SNURF: variants seen among roughly 807,000 people sequenced by gnomAD.
SNURF encodes SNURF protein.
Under a neutral mutation model 11.6 loss-of-function variants are expected in SNURF, and 6 were observed. That is an observed-to-expected ratio of 0.52 (90% CI 0.28 to 1.02). SNURF has a LOEUF of 1.02. Ranked by LOEUF, SNURF falls within the 50% of genes least tolerant of loss-of-function variation. The probability of loss-of-function intolerance (pLI) is 0.09; values close to 1 mark genes in which losing one functional copy is unlikely to be tolerated. For synonymous variants in SNURF, 29 were observed against 31.6 expected, an observed-to-expected ratio of 0.92 and a Z score of 0.27; for missense variants, 84 against 88.4, an observed-to-expected ratio of 0.95 and a Z score of 0.20.
chr15:24,977,579 A>C (rs2077209854), intron 6 of SNURF, among the ~76,000 whole-genome samples: 1 of 152,160 alleles, frequency 6.6e-6, no homozygotes, highest in African/African-American at 2.4e-5. Context: ...GGGAGGCTGC[A>C]GTGAGCTGAG....
chr15:24,969,419 G>A (rs1488330798), downstream of SNURF, among the ~76,000 whole-genome samples: 6 of 152,030 alleles, frequency 3.9e-5, no homozygotes, highest in Non-Finnish European at 8.8e-5. Context: ...GTGACCTACC[G>A]CGCCCGGCCC....
intron 2 of SNURF, among the ~76,000 whole-genome samples, chr15:24,966,216 TCA>T (rs1011725161): frequency 5.3e-5 from 8 of 152,196 alleles, no homozygotes. Flanking sequence ...TACTATTTTC[TCA>T]GACTTTATAA....
chr15:24,955,654 C>G (rs112249731), intron 1 of SNURF, among the ~76,000 whole-genome samples: 1 of 84,614 alleles, frequency 1.2e-5, no homozygotes, highest in Admixed American at 1.5e-4. Flanking sequence ...TGGCAGTGGA[C>G]CAGGGGGATG....
At chr15:24,970,466 C>T (rs778977147), downstream of SNURF, among the ~76,000 whole-genome samples, 2 of 152,078 alleles carry the variant, frequency 1.3e-5, no homozygotes, top group Non-Finnish European at 2.9e-5. Context: ...GTAATCCCAG[C>T]TACTCGGGAG....
At chr15:24,962,302 T>G in intron 2 of SNURF, 93 bp downstream of exon 2, 3 of 1,006,636 alleles carry the variant, frequency 3.0e-6, no homozygotes, top group Non-Finnish European at 4.6e-6. Flanking sequence ...AAAATGAACA[T>G]AATTGAAGAA....
At chr15:24,960,165 T>C (rs1402454526) in intron 1 of SNURF, among the ~76,000 whole-genome samples, 1 of 151,784 alleles carries the variant, frequency 6.6e-6, no homozygotes, top group Non-Finnish European at 1.5e-5. Flanking sequence ...CTTTGGAGGC[T>C]GAGTTTGGGT....
chr15:24,969,461 T>C (rs1317155401), downstream of SNURF, among the ~76,000 whole-genome samples: 1 of 152,076 alleles, frequency 6.6e-6, no homozygotes, highest in Non-Finnish European at 1.5e-5. Flanking sequence ...AGACAGAAAT[T>C]TTCTGAGAAA....
chr15:24,965,871 AT>A (rs5811370), intron 2 of SNURF, among the ~76,000 whole-genome samples: 20,463 of 151,290 alleles, frequency 0.14, 2,469 homozygotes, highest in African/African-American at 0.33. Flanking sequence ...CATTATATAT[AT>A]TTTTTTTTAC....
chr15:24,976,545 A>G (rs1425659312), intron 5 of SNURF: 4 of 731,286 alleles, frequency 5.5e-6, no homozygotes, highest in Non-Finnish European at 7.0e-6. Flanking sequence ...CAGGCACTTA[A>G]TATCAATTGT....
downstream of SNURF, chr15:24,978,507 GTGTT>G (rs2077318570): frequency 2.8e-6 from 4 of 1,444,302 alleles, no homozygotes; most frequent in East Asian, 2.3e-5. Context: ...ATTGTGTAGA[GTGTT>G]TGTGAGCTTT....
At position 24,974,106 on chromosome 15, in the gene SNURF, A is replaced by G. The variant is rs528487215; in HGVS notation, c.*46-1252A>G. On this transcript the variant is annotated intron_variant and NMD_transcript_variant, in intron 3 of 6. Transcript: ENST00000580062. Reference sequence around the variant, plus strand: ...GAATTACTAGGTAAAATAAAATTCAATGACTTTCATCAGTCCTAAGTGTGT... The same window carrying G: ...GAATTACTAGGTAAAATAAAATTCAGTGACTTTCATCAGTCCTAAGTGTGT... Among the ~76,000 whole-genome samples, 5 of 152,352 alleles carry G rather than the reference A, an allele frequency of 3.3e-5. No individual in the cohort carries two copies. The South Asian group carries it at 6.2e-4, about 19-fold the overall frequency.
chr15:24,975,304 T>G (rs1307970684), intron 3 of SNURF: 11 of 1,467,754 alleles, frequency 7.5e-6, no homozygotes, highest in Non-Finnish European at 9.4e-6. Flanking sequence ...AGGAGAAGAT[T>G]AGAAGACTAG....
At chr15:24,968,633 A>T (rs1005910344), downstream of SNURF, among the ~76,000 whole-genome samples, 2 of 152,158 alleles carry the variant, frequency 1.3e-5, no homozygotes, top group Non-Finnish European at 2.9e-5. Flanking sequence ...ATTTTAATTC[A>T]AATATGGTTT....
chr15:24,956,052 C>T (rs1015734992), intron 1 of SNURF, among the ~76,000 whole-genome samples: 1 of 152,104 alleles, frequency 6.6e-6, no homozygotes, highest in African/African-American at 2.4e-5. Flanking sequence ...GCAATGCCTA[C>T]ACTGCCGCAG....
chr15:24,966,620 A>C (rs2075680508), intron 2 of SNURF, among the ~76,000 whole-genome samples: 1 of 152,118 alleles, frequency 6.6e-6, no homozygotes, highest in Non-Finnish European at 1.5e-5. Flanking sequence ...CTCAGGTGTG[A>C]TCCTAGGGAC....
At chr15:24,978,253 C>T (rs1204264414), downstream of SNURF, 2 of 1,614,012 alleles carry the variant, frequency 1.2e-6, no homozygotes, top group East Asian at 2.2e-5. Flanking sequence ...GGGCTTCCCC[C>T]TGCTCGAGGG....
intron 5 of SNURF, chr15:24,976,734 C>T (rs2077102210): frequency 6.8e-6 from 5 of 738,088 alleles, no homozygotes; most frequent in Non-Finnish European, 9.1e-6. Context: ...CCATGGTATA[C>T]TTGCTTGTTT....
At chr15:24,959,681 T>A (rs2074451153) in intron 1 of SNURF, among the ~76,000 whole-genome samples, 1 of 152,216 alleles carries the variant, frequency 6.6e-6, no homozygotes, top group African/African-American at 2.4e-5. Flanking sequence ...GCTGTATTTG[T>A]GTGCCCACCA....
chr15:24,958,236 G>A (rs527825196), intron 1 of SNURF, among the ~76,000 whole-genome samples: 1 of 152,198 alleles, frequency 6.6e-6, no homozygotes, highest in Admixed American at 6.5e-5. Flanking sequence ...AGGTGTCAAG[G>A]ATGCCAAGAT....
Sources: allele counts gnomAD v4.1 joint callset (sites outside exome capture counted in the v4.1 genomes callset), GRCh38; gene constraint gnomAD v4.1.1; transcripts MANE v1.5; gene names NCBI Gene and HGNC (gene_info 2026-07-23, HGNC 2026-07-21).